The following ANKRD46 variants were observed in gnomAD, a reference collection of about 807,000 sequenced individuals.
The protein encoded by ANKRD46 is ankyrin repeat domain-containing protein 46.
ANKRD46 carries 13 observed loss-of-function variants against 19.8 expected under a neutral mutation model. The ratio of observed to expected loss-of-function variants is 0.66; its 90% CI spans 0.43 to 1.04. The LOEUF (loss-of-function observed/expected upper bound fraction) is 1.04. Ranked by LOEUF, ANKRD46 falls within the 50% of genes least tolerant of loss-of-function variation. ANKRD46 has a pLI of 0.00. For missense variants in ANKRD46, 185 were observed against 274.8 expected, an observed-to-expected ratio of 0.67 and a Z score of 2.31; for synonymous variants, 91 against 106.9, an observed-to-expected ratio of 0.85 and a Z score of 0.92.
chr8:100,551,624 A>G (rs1423605937), intron 1 of ANKRD46: 2 of 725,558 alleles, frequency 2.8e-6, no homozygotes, highest in Non-Finnish European at 4.8e-6. Context: ...GATGGTGACA[A>G]TATCCACTTT....
At chr8:100,535,631 T>C (rs1423490011) in intron 1 of ANKRD46, among the ~76,000 whole-genome samples, 1 of 152,224 alleles carries the variant, frequency 6.6e-6, no homozygotes, top group Non-Finnish European at 1.5e-5. Flanking sequence ...TTCAAGAATG[T>C]TGTATAAATG....
intron 1 of ANKRD46, among the ~76,000 whole-genome samples, chr8:100,538,325 A>C (rs2130677826): frequency 6.6e-6 from 1 of 152,314 alleles, no homozygotes; most frequent in Non-Finnish European, 1.5e-5. Context: ...TATTTGGGGA[A>C]AAAAATTGCA....
intron 1 of ANKRD46, among the ~76,000 whole-genome samples, chr8:100,540,274 A>T (rs1029393351): frequency 6.6e-6 from 1 of 152,198 alleles, no homozygotes; most frequent in African/African-American, 2.4e-5. Context: ...TTCATCAAAC[A>T]TAAGGGAGAA....
At chr8:100,547,036 G>A (rs1046714018) in intron 1 of ANKRD46, among the ~76,000 whole-genome samples, 2 of 152,196 alleles carry the variant, frequency 1.3e-5, no homozygotes, top group African/African-American at 4.8e-5. Flanking sequence ...CTCATAGGTG[G>A]AAGAGACTTG....
chr8:100,557,858 C>G lies in ANKRD46; in HGVS notation c.-131+1853G>C, dbSNP rs1175647712. Among the ~76,000 whole-genome samples, 1 of 152,212 alleles carries G rather than the reference C, an allele frequency of 6.6e-6. No individual in the cohort carries two copies. The highest frequency in any genetic ancestry group is 1.5e-5 in the Non-Finnish European group (1 of 68,046). On this transcript the variant is annotated intron_variant, in intron 1 of 4. Transcript: ENST00000335659. The surrounding 1 kb of genome is among the most constrained non-coding windows in gnomAD (Gnocchi z 5.9). Reference sequence around the variant, plus strand: ...TCCTTATTTTAAAACTGCACCTGTTCCTTCCTTGGTGCTTCCTATCCCCCT... The same window carrying G: ...TCCTTATTTTAAAACTGCACCTGTTGCTTCCTTGGTGCTTCCTATCCCCCT...
rs1274973820 is a variant in ANKRD46, at chr8:100,557,348, A to C, written c.-131+2363T>G. On this transcript the variant is annotated intron_variant, in intron 1 of 4. Coordinates refer to ENST00000335659, the MANE Select transcript of ANKRD46 (RefSeq NM_001270377.2). The surrounding 1 kb of genome is among the most constrained non-coding windows in gnomAD (Gnocchi z 5.9). ...ACCCTTTCTCTCATAAGCACATCCA[A>C]ACCATAAGCAAATCCTATCAGCAAT... Among the ~76,000 whole-genome samples the C allele has an allele frequency of 6.6e-6, 1 of 152,224 alleles. No homozygotes were observed. Among genetic ancestry groups the C allele is most frequent in the Non-Finnish European group, 1.5e-5 (1 of 68,036 alleles).
intron 4 of ANKRD46, among the ~76,000 whole-genome samples, chr8:100,523,799 A>G (rs1192563206): frequency 6.6e-6 from 1 of 152,110 alleles, no homozygotes; most frequent in Non-Finnish European, 1.5e-5. Context: ...GCATGCCACC[A>G]TGGCTGGCTA....
Position 100,522,572 on chromosome 8 carries a change from G to C in ANKRD46, c.670C>G (p.Pro224Ala), listed in dbSNP as rs1811747685. The change falls in exon 5 of 5, where the codon CCT becomes GCT. Residue 224 changes from proline to alanine, a missense_variant. Pro to Ala is a conservative substitution (Grantham distance 27, BLOSUM62 -1). Coordinates refer to ENST00000335659, the MANE Select transcript of ANKRD46 (RefSeq NM_001270377.2). ...GAGCTCCTTTAATGCACCAGTTCAGGCTGGTTTTCCACGAAGGGTAGCACC... is the reference window on the plus strand; with the variant it reads ...GAGCTCCTTTAATGCACCAGTTCAGCCTGGTTTTCCACGAAGGGTAGCACC... ...SGVLPFVENQ[P>A]ELVH The C allele has an allele frequency of 4.3e-6, 7 of 1,613,884 alleles. No homozygotes were observed. The highest frequency in any genetic ancestry group is 5.1e-6 in the Non-Finnish European group (6 of 1,180,008).
At position 100,524,805 on chromosome 8, in the gene ANKRD46, A is replaced by G. The variant is rs949457552; in HGVS notation, c.471-2034T>C. 9.9e-5 allele frequency among the ~76,000 whole-genome samples: 15 copies of G among 152,282 alleles called. No homozygotes were observed. The highest frequency in any genetic ancestry group is 7.7e-4 in the East Asian group (4 of 5,184). On this transcript the variant is annotated intron_variant, in intron 4 of 4. Transcript: ENST00000335659. The surrounding 1 kb of genome is among the most constrained non-coding windows in gnomAD (Gnocchi z 4.3). ...CTTCAGAGCTCATGAAGCTCTGCCA[A>G]TCGGGATATTCTATAAAGACTTTAT... is the stretch of plus-strand genomic sequence containing the variant.
rs548331371 is a variant in ANKRD46 at position 100,546,965 on chromosome 8, A to G, written c.-131+12746T>C. On this transcript the variant is annotated intron_variant, in intron 1 of 4. Coordinates refer to ENST00000335659, the MANE Select transcript of ANKRD46 (RefSeq NM_001270377.2). This position sits in a 1 kb window ranked among gnomAD's most constrained non-coding sequence, Gnocchi z 4.0. ...TCTCCCATTTGGAATGGGAGCATTT[A>G]CCCAATGCCTGTGCCCTCATTGTAT... is the stretch of plus-strand genomic sequence containing the variant. Among the ~76,000 whole-genome samples the G allele has an allele frequency of 3.3e-4, 50 of 152,262 alleles. No homozygotes were observed. Among genetic ancestry groups the G allele is most frequent in the African/African-American group, 1.2e-3 (49 of 41,546 alleles).
At chr8:100,531,757 C>T (rs1811967536) in intron 2 of ANKRD46, among the ~76,000 whole-genome samples, 1 of 152,144 alleles carries the variant, frequency 6.6e-6, no homozygotes, top group Non-Finnish European at 1.5e-5. Context: ...AATCCTCCCA[C>T]ATCAGCCTCC....
rs1812284965 is a variant in ANKRD46, at chr8:100,546,954, T to C, written c.-131+12757A>G. Among the ~76,000 whole-genome samples, 1 of 152,222 alleles carries C rather than the reference T, an allele frequency of 6.6e-6. No individual in the cohort carries two copies. Among genetic ancestry groups the C allele is most frequent in the Non-Finnish European group, 1.5e-5 (1 of 68,040 alleles). ...TTTGGCCAATTTCTCCCATTTGGAA[T>C]GGGAGCATTTACCCAATGCCTGTGC... On this transcript the variant is annotated intron_variant, in intron 1 of 4. Coordinates refer to ENST00000335659, the MANE Select transcript of ANKRD46 (RefSeq NM_001270377.2). The surrounding 1 kb of genome is among the most constrained non-coding windows in gnomAD (Gnocchi z 4.0).
Position 100,550,939 on chromosome 8 carries a change from C to T in ANKRD46, c.-131+8772G>A. On this transcript the variant is annotated intron_variant, in intron 1 of 4. Transcript: ENST00000335659. The surrounding 1 kb of genome is among the most constrained non-coding windows in gnomAD (Gnocchi z 4.4). Reference sequence around the variant, plus strand: ...AGGGGCCCTCTGACGCCTGCTTCACCACCTTTTTGATGTCATCATATTTGG... The same window carrying T: ...AGGGGCCCTCTGACGCCTGCTTCACTACCTTTTTGATGTCATCATATTTGG... The T allele has an allele frequency of 1.7e-6, 1 of 600,622 alleles. No individual in the cohort carries two copies. Among genetic ancestry groups the T allele is most frequent in the Non-Finnish European group, 3.1e-6 (1 of 322,486 alleles). The allele number at this position is 600,622 out of a possible 1,614,324, so 37.2% of individuals were successfully genotyped here. A position where few individuals can be genotyped will look rare whatever the true frequency, so the allele number is the denominator to read the frequency against.
chr8:100,551,363 C>G (rs1415606880), intron 1 of ANKRD46: 1 of 585,810 alleles, frequency 1.7e-6, no homozygotes, highest in African/African-American at 1.9e-5. Flanking sequence ...AGATGATGAC[C>G]CTTTTGGCTC....
At position 100,521,791 on chromosome 8, in the gene ANKRD46, C is replaced by T. The variant is rs1320322143; in HGVS notation, c.*764G>A. Reference sequence around the variant, plus strand: ...ATTCAGTAGAAAAAGGATTTTCTGACTGTAATTCTGATGAACTGTTATCTT... The same window carrying T: ...ATTCAGTAGAAAAAGGATTTTCTGATTGTAATTCTGATGAACTGTTATCTT... On this transcript the variant is annotated 3_prime_UTR_variant, in exon 5 of 5. Transcript: ENST00000335659. 1 of 985,212 alleles carries T rather than the reference C, an allele frequency of 1.0e-6. No individual in the cohort carries two copies. Among genetic ancestry groups the T allele is most frequent in the Non-Finnish European group, 1.2e-6 (1 of 829,870 alleles). 61.0% of individuals were successfully genotyped at this position (985,212 alleles called of 1,614,324 possible).
chr8:100,510,342 T>G lies in ANKRD46; in HGVS notation c.*235A>C, dbSNP rs1367773707. The G allele has an allele frequency of 2.4e-6, 1 of 413,982 alleles. No homozygotes were observed. Among genetic ancestry groups the G allele is most frequent in the East Asian group, 3.5e-5 (1 of 28,830 alleles). 25.6% of individuals were successfully genotyped at this position (413,982 alleles called of 1,614,324 possible). On this transcript the variant is annotated 3_prime_UTR_variant, in exon 6 of 6. Transcript: ENST00000520552. The surrounding 1 kb of genome is among the most constrained non-coding windows in gnomAD (Gnocchi z 4.9). Reference sequence around the variant, plus strand: ...AGGGGATGGTTCCTGGAGCTCCATCTTGAGGATCTGGGAGGCCAGGAAGAC... The same window carrying G: ...AGGGGATGGTTCCTGGAGCTCCATCGTGAGGATCTGGGAGGCCAGGAAGAC...
chr8:100,544,893 G>A lies in ANKRD46; in HGVS notation c.-130-11582C>T, dbSNP rs2130692121. ...ATGGGAGCAACTCATAGAGTCTGGT[G>A]CTCTTCACAGAGTGAACAAGCAGAG... On this transcript the variant is annotated intron_variant, in intron 1 of 4. Coordinates refer to ENST00000335659, the MANE Select transcript of ANKRD46 (RefSeq NM_001270377.2). This position sits in a 1 kb window ranked among gnomAD's most constrained non-coding sequence, Gnocchi z 4.4. 6.6e-6 allele frequency among the ~76,000 whole-genome samples: 1 copy of A among 152,294 alleles called. No individual in the cohort carries two copies. Among genetic ancestry groups the A allele is most frequent in the African/African-American group, 2.4e-5 (1 of 41,562 alleles).
chr8:100,547,479 T>C (rs143744083), intron 1 of ANKRD46, among the ~76,000 whole-genome samples: 179 of 152,306 alleles, frequency 1.2e-3, no homozygotes, highest in Middle Eastern at 6.8e-3. Context: ...GTGAGTCAAC[T>C]GAACTTCTTT....
chr8:100,526,331 A>T (rs973727676), intron 4 of ANKRD46, among the ~76,000 whole-genome samples: 1 of 152,194 alleles, frequency 6.6e-6, no homozygotes, highest in African/African-American at 2.4e-5. Flanking sequence ...GATCCTAAAA[A>T]TATACCAAAC....
Sources: allele counts gnomAD v4.1 joint callset (sites outside exome capture counted in the v4.1 genomes callset), GRCh38; gene constraint gnomAD v4.1.1; non-coding constraint Gnocchi (gnomAD v3.1); transcripts MANE v1.5; gene names NCBI Gene and HGNC (gene_info 2026-07-23, HGNC 2026-07-21).